SBK1: variants seen among roughly 807,000 people sequenced by gnomAD.
The protein encoded by SBK1 is SH3 domain binding kinase 1.
Under a neutral mutation model 24.4 loss-of-function variants are expected in SBK1, and 11 were observed. That is an observed-to-expected ratio of 0.45 (90% CI 0.28 to 0.75). SBK1 has a LOEUF of 0.75. Ranked by LOEUF, SBK1 falls within the 30% of genes least tolerant of loss-of-function variation. The pLI is 0.12. For missense variants in SBK1, 467 were observed against 620.5 expected (o/e 0.75, Z 2.63); for synonymous variants, 308 against 284.4 (o/e 1.08, Z -0.83).
At chr16:28,270,402 C>T (rs1372814680) in intron 1 of SBK1, among the ~76,000 whole-genome samples, 1 of 110,554 alleles carries the variant, frequency 9.0e-6, no homozygotes, top group Non-Finnish European at 1.8e-5. Flanking sequence ...TATTTTCAGC[C>T]TAGAATTATT....
At position 28,321,072 on chromosome 16, in the gene SBK1, C is replaced by T; in HGVS notation, c.*151C>T. ...CGCGGCCCGGCACCTGGTCCGTCCC[C>T]GGCGGGCTGGTGAGGGGGCCACCAA... On this transcript the variant is annotated 3_prime_UTR_variant, in exon 4 of 4. Transcript: ENST00000341901. 1 of 735,260 alleles carries T rather than the reference C, an allele frequency of 1.4e-6. No homozygotes were observed. Among genetic ancestry groups the T allele is most frequent in the Non-Finnish European group, 1.9e-6 (1 of 524,980 alleles). The allele number at this position is 735,260 out of a possible 1,614,324, so 45.5% of individuals were successfully genotyped here. A position where few individuals can be genotyped will look rare whatever the true frequency, so the allele number is the denominator to read the frequency against.
intron 1 of SBK1, among the ~76,000 whole-genome samples, chr16:28,296,391 C>T (rs900680809): frequency 6.6e-6 from 1 of 152,094 alleles, no homozygotes; most frequent in African/African-American, 2.4e-5. Flanking sequence ...CCACACCCGG[C>T]CACACCCAAC....
chr16:28,287,683 A>T (rs1362594591), upstream of SBK1, among the ~76,000 whole-genome samples: 1 of 152,132 alleles, frequency 6.6e-6, no homozygotes, highest in Non-Finnish European at 1.5e-5. Context: ...TTGTTTTGAA[A>T]GACAGAGTTT....
At position 28,320,027 on chromosome 16, in the gene SBK1, C is replaced by T; in HGVS notation, c.430-49C>T. The T allele has an allele frequency of 7.0e-7, 1 of 1,420,572 alleles. No individual in the cohort carries two copies. The highest frequency in any genetic ancestry group is 9.2e-7 in the Non-Finnish European group (1 of 1,092,408). The allele number at this position is 1,420,572 out of a possible 1,614,324, so 88.0% of individuals were successfully genotyped here. A position where few individuals can be genotyped will look rare whatever the true frequency, so the allele number is the denominator to read the frequency against. On this transcript the variant is annotated intron_variant, in intron 3 of 3. Transcript: ENST00000341901. This position sits in a 1 kb window ranked among gnomAD's most constrained non-coding sequence, Gnocchi z 8.5. ...GGAGCTGGAGGGGAGGGCGGCGGGG[C>T]GGGCGCTGGAGAGCTGGAAACAGCG...
In SBK1 at chr16:28,319,759, T is replaced by C. The variant is rs144520260; in HGVS notation, c.430-317T>C. Among the ~76,000 whole-genome samples, 1,082 of 152,180 alleles carry C rather than the reference T, an allele frequency of 7.1e-3. 6 individuals are homozygous for C. The highest frequency in any genetic ancestry group is 0.02 in the Middle Eastern group (6 of 294). On this transcript the variant is annotated intron_variant, in intron 3 of 3. Transcript: ENST00000341901. This position sits in a 1 kb window ranked among gnomAD's most constrained non-coding sequence, Gnocchi z 4.0. ...GGGGAAGACCGACGAGATAAGTATC[T>C]AGCAGGCAGGGCAAAATGACAGCAG...
intron 1 of SBK1, among the ~76,000 whole-genome samples, chr16:28,307,558 G>A (rs2044725824): frequency 6.6e-6 from 1 of 152,000 alleles, no homozygotes; most frequent in South Asian, 2.1e-4. Context: ...TGGCCAGCAT[G>A]GTGAAACCTC....
In SBK1 at chr16:28,284,029, G is replaced by A. The variant is rs144308774; in HGVS notation, c.257+24527G>A. On this transcript the variant is annotated intron_variant, in intron 1 of 3. Transcript: ENST00000671413. The stretch of plus-strand genomic sequence containing the variant: ...TTTGGATGCAGTAACCCTGAGCAGC[G>A]TGTTGTACGCTGTCTCTGTGAGCTC... Among the ~76,000 whole-genome samples, 1,045 of 152,320 alleles carry A rather than the reference G, an allele frequency of 6.9e-3. 3 individuals are homozygous for A. Among genetic ancestry groups the A allele is most frequent in the Middle Eastern group, 0.02 (6 of 294 alleles).
In SBK1 at chr16:28,322,897, G is replaced by GCT. The variant is rs2044862382; in HGVS notation, c.*1978_*1979dup. The GCT allele has an allele frequency of 6.9e-6, 1 of 144,596 alleles. No homozygotes were observed. The highest frequency in any genetic ancestry group is 2.6e-5 in the African/African-American group (1 of 37,932). 9.0% of individuals were successfully genotyped at this position (144,596 alleles called of 1,614,324 possible). A position where few individuals can be genotyped will look rare whatever the true frequency, so the allele number is the denominator to read the frequency against. On this transcript the variant is annotated 3_prime_UTR_variant, in exon 4 of 4. Transcript: ENST00000341901. ...TTCCACAGTAGACGTCCCTTGCCGTGCTCGCTCTCTCTCTCGCGCGCGCTC... is the reference window on the plus strand; with the variant it reads ...TTCCACAGTAGACGTCCCTTGCCGTGCTCTCGCTCTCTCTCTCGCGCGCGCTC...
rs1388229303 is a variant in SBK1 at position 28,322,420 on chromosome 16, G to A, written c.*1499G>A. 1 of 152,676 alleles carries A rather than the reference G, an allele frequency of 6.5e-6. No homozygotes were observed. Among genetic ancestry groups the A allele is most frequent in the Non-Finnish European group, 1.5e-5 (1 of 68,078 alleles). The allele number at this position is 152,676 out of a possible 1,614,324, so 9.5% of individuals were successfully genotyped here. A position where few individuals can be genotyped will look rare whatever the true frequency, so the allele number is the denominator to read the frequency against. ...ACATGGGTGAGGCTGTCCCTGTCAGGGTCCCCTGCCAGGGTCCCTCCTGGG... is the reference window on the plus strand; with the variant it reads ...ACATGGGTGAGGCTGTCCCTGTCAGAGTCCCCTGCCAGGGTCCCTCCTGGG... On this transcript the variant is annotated 3_prime_UTR_variant, in exon 4 of 4. Transcript: ENST00000341901.
intron 1 of SBK1, among the ~76,000 whole-genome samples, chr16:28,299,816 C>T (rs1356976604): frequency 6.6e-6 from 1 of 152,192 alleles, no homozygotes; most frequent in Non-Finnish European, 1.5e-5. Context: ...GAAGCCAGGT[C>T]CCCGCCATGG....
rs574833575 is a variant in SBK1, at chr16:28,261,880, C to T, written c.257+2378C>T. ...TCATCCCTCATCCCTTCATCTCCCA[C>T]CTCTGATTCTGGGGACTCTCTGTAG... On this transcript the variant is annotated intron_variant, in intron 1 of 3. Transcript: ENST00000671413. Among the ~76,000 whole-genome samples the T allele has an allele frequency of 3.3e-5, 5 of 152,296 alleles. No individual in the cohort carries two copies. The East Asian group carries it at 5.8e-4, about 18-fold the overall frequency.
intron 1 of SBK1, among the ~76,000 whole-genome samples, chr16:28,280,481 C>G (rs2044527056): frequency 1.3e-5 from 2 of 151,110 alleles, no homozygotes; most frequent in Non-Finnish European, 2.9e-5. Context: ...AGGCATGAGC[C>G]ACCACGCCCA....
At chr16:28,276,189 C>T (rs2044493036) in intron 1 of SBK1, among the ~76,000 whole-genome samples, 1 of 152,160 alleles carries the variant, frequency 6.6e-6, no homozygotes, top group African/African-American at 2.4e-5. Context: ...GGTGGGAAGT[C>T]ATCCCAGACC....
upstream of SBK1, among the ~76,000 whole-genome samples, chr16:28,288,877 G>C (rs1038393638): frequency 6.6e-6 from 1 of 152,228 alleles, no homozygotes; most frequent in African/African-American, 2.4e-5. Flanking sequence ...CCCCTGGCTA[G>C]AGCATACCCT....
chr16:28,314,561 C>T (rs1364054039), intron 1 of SBK1, among the ~76,000 whole-genome samples: 1 of 152,190 alleles, frequency 6.6e-6, no homozygotes, highest in East Asian at 1.9e-4. Flanking sequence ...AGAGTTGGGA[C>T]TCAGACCCAG....
At chr16:28,311,991 G>A (rs2044757461) in intron 1 of SBK1, among the ~76,000 whole-genome samples, 1 of 152,272 alleles carries the variant, frequency 6.6e-6, no homozygotes, top group Non-Finnish European at 1.5e-5. Flanking sequence ...ACACAGAACA[G>A]CCTGAGGTGG....
intron 1 of SBK1, among the ~76,000 whole-genome samples, chr16:28,304,076 C>T (rs770326641): frequency 7.2e-5 from 11 of 152,178 alleles, no homozygotes; most frequent in Non-Finnish European, 1.6e-4. Context: ...CTTTATCATA[C>T]GGACTCACCT....
chr16:28,294,501 G>A (rs909740877), intron 1 of SBK1, among the ~76,000 whole-genome samples: 3 of 152,142 alleles, frequency 2.0e-5, no homozygotes, highest in African/African-American at 7.2e-5. Flanking sequence ...TGGACCATGC[G>A]CTAGAGTCAG....
intron 1 of SBK1, among the ~76,000 whole-genome samples, chr16:28,268,311 G>A (rs1054509087): frequency 6.6e-6 from 1 of 151,918 alleles, no homozygotes; most frequent in Non-Finnish European, 1.5e-5. Context: ...GGTGGGATCA[G>A]GGCTCACTGC....
Sources: allele counts gnomAD v4.1 joint callset (sites outside exome capture counted in the v4.1 genomes callset), GRCh38; gene constraint gnomAD v4.1.1; non-coding constraint Gnocchi (gnomAD v3.1); transcripts MANE v1.5; gene names NCBI Gene and HGNC (gene_info 2026-07-23, HGNC 2026-07-21).